The following MAF variants were observed in gnomAD, a reference collection of about 807,000 sequenced individuals.
MAF encodes the protein transcription factor Maf.
Under a neutral mutation model 22.0 loss-of-function variants are expected in MAF, and 10 were observed. The ratio of observed to expected loss-of-function variants is 0.45; its 90% confidence interval spans 0.28 to 0.77. MAF has a LOEUF of 0.77. MAF is among the 30% of genes least tolerant of loss of function. The pLI is 0.12. For synonymous variants in MAF, 337 were observed against 255.8 expected, an observed-to-expected ratio of 1.32 and a Z score of -3.03; for missense variants, 544 against 548.4, an observed-to-expected ratio of 0.99 and a Z score of 0.08.
At chr16:79,484,360 C>T in the MAF span, among the ~76,000 whole-genome samples, 1 of 152,190 alleles carries the variant, frequency 6.6e-6, no homozygotes, top group Non-Finnish European at 1.5e-5. Context: ...AACCAGAGGG[C>T]TCAAGTGACC....
the MAF span, among the ~76,000 whole-genome samples, chr16:79,394,335 T>C: frequency 6.6e-6 from 1 of 152,158 alleles, no homozygotes; most frequent in Non-Finnish European, 1.5e-5. Context: ...GAAATCTTCC[T>C]TTCAGACCCT....
rs886573587 is a variant in MAF, at chr16:79,595,077, T to C, written c.1119-524A>G. 4.8e-6 allele frequency: 5 copies of C among 1,045,714 alleles called. No homozygotes were observed. In the African/African-American group the frequency reaches 5.0e-5, roughly 11 times the overall value. 64.8% of individuals were successfully genotyped at this position (1,045,714 alleles called of 1,614,324 possible). A position where few individuals can be genotyped will look rare whatever the true frequency, so the allele number is the denominator to read the frequency against. On this transcript the variant is annotated intron_variant, in intron 1 of 1. Transcript: ENST00000326043. ...ATGCTTTTTTGTTAAAAGCATTCTC[T>C]CCATTTCTGCTTCTTCAGAGTTTGT...
the MAF span, among the ~76,000 whole-genome samples, chr16:79,218,577 A>G: frequency 6.6e-6 from 1 of 152,214 alleles, no homozygotes; most frequent in African/African-American, 2.4e-5. Context: ...TTACAACCTT[A>G]TCAACACAGG....
the MAF span, among the ~76,000 whole-genome samples, chr16:79,251,077 TC>T: frequency 7.2e-5 from 11 of 151,936 alleles, no homozygotes; most frequent in East Asian, 9.7e-4. Flanking sequence ...GATATTAGAT[TC>T]CCCCCGTTTC....
chr16:79,486,897 C>A, the MAF span, among the ~76,000 whole-genome samples: 1 of 152,062 alleles, frequency 6.6e-6, no homozygotes, highest in African/African-American at 2.4e-5. Flanking sequence ...TTGTGGAGGT[C>A]CCCCTCCACC....
the MAF span, among the ~76,000 whole-genome samples, chr16:79,385,486 A>C: frequency 6.6e-6 from 1 of 152,256 alleles, no homozygotes; most frequent in African/African-American, 2.4e-5. Context: ...AAAGCGAAAT[A>C]AAAAAGTCGA....
the MAF span, among the ~76,000 whole-genome samples, chr16:79,295,736 T>G: frequency 6.6e-6 from 1 of 152,212 alleles, no homozygotes; most frequent in Non-Finnish European, 1.5e-5. Flanking sequence ...CAGAGACCCT[T>G]ACTGGGGGCT....
the MAF span, among the ~76,000 whole-genome samples, chr16:79,429,608 G>A: frequency 6.6e-6 from 1 of 152,174 alleles, no homozygotes; most frequent in Non-Finnish European, 1.5e-5. Flanking sequence ...CCCACTGTGA[G>A]CAGCAAAGTT....
chr16:79,499,511 T>C, the MAF span, among the ~76,000 whole-genome samples: 6,371 of 152,254 alleles, frequency 0.042, 443 homozygotes, highest in African/African-American at 0.14. Flanking sequence ...AATCCAATCA[T>C]CAATGTGATG....
the MAF span, among the ~76,000 whole-genome samples, chr16:79,410,575 C>G: frequency 6.6e-6 from 1 of 152,222 alleles, no homozygotes; most frequent in Non-Finnish European, 1.5e-5. Context: ...AGACAAGTCC[C>G]TGATCTCAAG....
the MAF span, among the ~76,000 whole-genome samples, chr16:79,342,457 TTTTTC>T: frequency 1.8e-4 from 28 of 152,214 alleles, no homozygotes; most frequent in Admixed American, 1.8e-3. Context: ...TCTGAGCCTT[TTTTTC>T]TTTTATCAGA....
chr16:79,474,583 G>C, the MAF span, among the ~76,000 whole-genome samples: 1 of 152,206 alleles, frequency 6.6e-6, no homozygotes, highest in East Asian at 1.9e-4. Context: ...CGTGCAGGGA[G>C]AGCCTCAGGT....
the MAF span, among the ~76,000 whole-genome samples, chr16:79,238,706 C>T: frequency 1.3e-5 from 2 of 152,032 alleles, no homozygotes; most frequent in East Asian, 1.9e-4. Flanking sequence ...CCCATGCATA[C>T]AGTATGGGAT....
At chr16:79,238,947 T>C in the MAF span, among the ~76,000 whole-genome samples, 1 of 152,068 alleles carries the variant, frequency 6.6e-6, no homozygotes, top group South Asian at 2.1e-4. Flanking sequence ...CCAGGGGAAG[T>C]GAGGACTCCA....
At chr16:79,499,715 G>A in the MAF span, among the ~76,000 whole-genome samples, 1 of 152,162 alleles carries the variant, frequency 6.6e-6, no homozygotes, top group Non-Finnish European at 1.5e-5. Flanking sequence ...CTGGCACCTT[G>A]ATTATAGATT....
At chr16:79,287,240 C>T in the MAF span, among the ~76,000 whole-genome samples, 3 of 151,910 alleles carry the variant, frequency 2.0e-5, no homozygotes, top group Non-Finnish European at 1.5e-5. Flanking sequence ...TTCTCTTTCA[C>T]TTCCTGTTAT....
the MAF span, among the ~76,000 whole-genome samples, chr16:79,417,614 G>C: frequency 6.6e-6 from 1 of 152,076 alleles, no homozygotes; most frequent in Non-Finnish European, 1.5e-5. Flanking sequence ...GTTTGGAGGC[G>C]GGGGTCCCCA....
At chr16:79,334,584 C>T in the MAF span, among the ~76,000 whole-genome samples, 8 of 152,018 alleles carry the variant, frequency 5.3e-5, no homozygotes, top group East Asian at 1.9e-4. Context: ...AAAATGAAAA[C>T]GAGGGGTCTC....
chr16:79,498,537 G>A, the MAF span, among the ~76,000 whole-genome samples: 8 of 152,162 alleles, frequency 5.3e-5, no homozygotes, highest in East Asian at 1.9e-4. Flanking sequence ...GGCTTAGATC[G>A]TGCTTACCTG....
Sources: allele counts gnomAD v4.1 joint callset (sites outside exome capture counted in the v4.1 genomes callset), GRCh38; gene constraint gnomAD v4.1.1; transcripts MANE v1.5; gene names NCBI Gene and HGNC (gene_info 2026-07-23, HGNC 2026-07-21).